Variants in UBXN8 observed in about 807,000 individuals in gnomAD.
UBXN8 encodes the protein UBX domain protein 8.
A neutral mutation model predicts 32.1 loss-of-function variants in UBXN8; 27 were observed. The observed-to-expected ratio is 0.84, with a 90% CI of 0.62 to 1.16. The LOEUF (loss-of-function observed/expected upper bound fraction) is 1.16. Ranked by LOEUF, UBXN8 falls within the 50% of genes most tolerant of loss-of-function variation. The pLI is 0.00. For missense variants in UBXN8, 306 were observed against 311.4 expected (o/e 0.98, Z 0.13); for synonymous variants, 109 against 111.8 (o/e 0.98, Z 0.16).
At chr8:30,735,665 CCT>C (rs1171304176) in intron 1 of UBXN8, among the ~76,000 whole-genome samples, 3 of 152,154 alleles carry the variant, frequency 2.0e-5, no homozygotes, top group Non-Finnish European at 4.4e-5. Context: ...ATGGTGAAAC[CCT>C]GTCTCTACTA....
chr8:30,742,557 G>T (rs973446335), upstream of UBXN8, among the ~76,000 whole-genome samples: 2 of 151,998 alleles, frequency 1.3e-5, no homozygotes, highest in African/African-American at 4.8e-5. Flanking sequence ...GCCCAGAGGG[G>T]TCTCGAACTC....
Position 30,756,915 on chromosome 8 carries a change from T to C in UBXN8, c.528+28T>C, listed in dbSNP as rs763313473. ...AAAGTACTTCATGCCTCTCATTGAATTGTGTCTGTGTGCAGTAGGAGTATT... is the reference window on the plus strand; with the variant it reads ...AAAGTACTTCATGCCTCTCATTGAACTGTGTCTGTGTGCAGTAGGAGTATT... On this transcript the variant is annotated intron_variant, in intron 5 of 7. Coordinates refer to ENST00000265616, the MANE Select transcript of UBXN8 (RefSeq NM_005671.4). 1.6e-5 allele frequency: 26 copies of C among 1,613,036 alleles called. No homozygotes were observed. The Admixed American group carries it at 4.0e-4, about 25-fold the overall frequency.
upstream of UBXN8, among the ~76,000 whole-genome samples, chr8:30,729,237 G>A (rs907554819): frequency 1.3e-5 from 2 of 152,234 alleles, no homozygotes; most frequent in African/African-American, 2.4e-5. Flanking sequence ...CAATTGCCCC[G>A]GTGGAACGCC....
At chr8:30,763,150 A>G (rs1338521584) in intron 6 of UBXN8, 123 bp from the exon 7 acceptor site, 2 of 937,846 alleles carry the variant, frequency 2.1e-6, no homozygotes, top group Admixed American at 2.1e-5. Flanking sequence ...TGCCCTACCT[A>G]TGTCTTTTAA....
intron 6 of UBXN8, among the ~76,000 whole-genome samples, chr8:30,762,324 C>T (rs1805854625): frequency 1.3e-5 from 2 of 152,136 alleles, no homozygotes; most frequent in Admixed American, 1.3e-4. Flanking sequence ...GATCCTCTCA[C>T]CTTGGCCTCC....
intron 1 of UBXN8, among the ~76,000 whole-genome samples, chr8:30,749,615 T>C (rs1190440727): frequency 1.3e-5 from 2 of 149,652 alleles, no homozygotes; most frequent in Admixed American, 6.6e-5. Flanking sequence ...TTTCTTTTTT[T>C]TTTTTTTTGA....
chr8:30,747,079 C>G (rs1438677010), intron 1 of UBXN8, among the ~76,000 whole-genome samples: 1 of 136,916 alleles, frequency 7.3e-6, no homozygotes, highest in Non-Finnish European at 1.6e-5. Context: ...CGCTGGAACC[C>G]GGGAGGTGGA....
rs545796668 is a variant in UBXN8, at chr8:30,744,464, T to C, written c.88+187T>C. On this transcript the variant is annotated intron_variant, in intron 1 of 7. Coordinates refer to ENST00000265616, the MANE Select transcript of UBXN8 (RefSeq NM_005671.4). ...TCGAGGAACCTTTTCCCTCCAGGTG[T>C]GATGGTTTTACGTGTAAGAGGGTAG... 15 of 632,708 alleles carry C rather than the reference T, an allele frequency of 2.4e-5. No individual in the cohort carries two copies. In the Admixed American group the frequency reaches 3.6e-4, roughly 15 times the overall value. The allele number at this position is 632,708 out of a possible 1,614,324, so 39.2% of individuals were successfully genotyped here. A position where few individuals can be genotyped will look rare whatever the true frequency, so the allele number is the denominator to read the frequency against.
At chr8:30,754,955 CG>C (rs1215338020) in intron 4 of UBXN8, among the ~76,000 whole-genome samples, 168 bp downstream of exon 4, 1 of 134,306 alleles carries the variant, frequency 7.4e-6, no homozygotes, top group African/African-American at 2.9e-5. Flanking sequence ...AGGGGTTGGT[CG>C]TTTTTTTTTT....
At chr8:30,760,272 G>A (rs1805794929) in intron 5 of UBXN8, among the ~76,000 whole-genome samples, 1 of 149,572 alleles carries the variant, frequency 6.7e-6, no homozygotes, top group South Asian at 2.1e-4. Flanking sequence ...TGTGAGCCAC[G>A]CTGATCATGA....
At chr8:30,740,927 C>CA (rs1306069059), upstream of UBXN8, among the ~76,000 whole-genome samples, 3 of 152,206 alleles carry the variant, frequency 2.0e-5, no homozygotes, top group Non-Finnish European at 4.4e-5. Context: ...GCTTCCTTCT[C>CA]AGGCACTGAG....
upstream of UBXN8, among the ~76,000 whole-genome samples, chr8:30,730,605 C>T (rs981733722): frequency 5.9e-5 from 9 of 152,078 alleles, no homozygotes; most frequent in East Asian, 1.9e-4. Flanking sequence ...AAGGCTAAAC[C>T]GATACAGGGA....
At chr8:30,744,438 T>C in intron 1 of UBXN8, 161 bp downstream of exon 1, 2 of 686,820 alleles carry the variant, frequency 2.9e-6, no homozygotes, top group Non-Finnish European at 5.0e-6. Flanking sequence ...CTGACTTCAC[T>C]TCGAGGAACC....
At chr8:30,754,206 C>T (rs915507072) in intron 3 of UBXN8, 3 of 263,920 alleles carry the variant, frequency 1.1e-5, no homozygotes, top group South Asian at 1.1e-4. Context: ...CACCACTGCA[C>T]TCCATCCTGG....
intron 1 of UBXN8, among the ~76,000 whole-genome samples, chr8:30,748,629 C>G (rs1423654021): frequency 6.6e-6 from 1 of 152,066 alleles, no homozygotes; most frequent in African/African-American, 2.4e-5. Flanking sequence ...CATCCTCTAC[C>G]TCCCAGGTTC....
In UBXN8 at chr8:30,760,911, T is replaced by C. The variant is rs529188907; in HGVS notation, c.552T>C (p.Pro184=). Residue 184 remains proline, a synonymous_variant, in exon 6 of 8, where the codon CCT becomes CCC. Transcript: ENST00000265616. The part of the protein sequence containing the change: ...CKEIPDLPEE[P]SQTAEEVVTV... ...AGATTCCTGATTTACCTGAAGAACC[T>C]TCTCAAACAGCAGAAGAAGTAAGTC... 5.6e-5 allele frequency: 86 copies of C among 1,537,694 alleles called. 3 individuals carry two copies. In the South Asian group the frequency reaches 1.1e-3, roughly 19 times the overall value.
intron 1 of UBXN8, among the ~76,000 whole-genome samples, chr8:30,733,600 T>C (rs1182741424): frequency 7.2e-5 from 11 of 152,118 alleles, no homozygotes; most frequent in Admixed American, 7.2e-4. Context: ...ACAGCCCCCC[T>C]GCTCCCTCAA....
intron 2 of UBXN8, 35 bp from the exon 3 acceptor site, chr8:30,753,000 G>T: frequency 6.7e-7 from 1 of 1,483,856 alleles, no homozygotes; most frequent in Non-Finnish European, 8.9e-7. Context: ...AGATACTTGG[G>T]AAGTAAAAAG....
chr8:30,740,956 A>G (rs1805185404), upstream of UBXN8, among the ~76,000 whole-genome samples: 1 of 152,188 alleles, frequency 6.6e-6, no homozygotes, highest in Non-Finnish European at 1.5e-5. Context: ...CTGATCATTG[A>G]ATTGGGCAAA....
Sources: gnomAD v4.1 joint callset for allele counts (sites outside exome capture counted in the v4.1 genomes callset) on GRCh38, gnomAD v4.1.1 for gene constraint, MANE v1.5 for transcripts, NCBI Gene and HGNC (gene_info 2026-07-23, HGNC 2026-07-21) for gene names.